Variants in POU6F2 observed in about 807,000 individuals in gnomAD.
POU6F2 encodes POU class 6 homeobox 2.
A neutral mutation model predicts 71.3 loss-of-function variants in POU6F2; 31 were observed. The observed-to-expected ratio is 0.43, with a 90% CI of 0.33 to 0.59. The LOEUF (loss-of-function observed/expected upper bound fraction) is 0.59. POU6F2 is among the 20% of genes least tolerant of loss of function. The pLI is 0.04. For synonymous variants in POU6F2, 347 were observed against 355.7 expected, an observed-to-expected ratio of 0.98 and a Z score of 0.27; for missense variants, 783 against 856.8, an observed-to-expected ratio of 0.91 and a Z score of 1.07.
At chr7:39,094,996 C>T (rs1791427096) in intron 2 of POU6F2, among the ~76,000 whole-genome samples, 1 of 152,124 alleles carries the variant, frequency 6.6e-6, no homozygotes, top group South Asian at 2.1e-4. Flanking sequence ...AGGACGCTTG[C>T]TATTTGCAAA....
intron 1 of POU6F2, among the ~76,000 whole-genome samples, chr7:39,006,090 C>G (rs1160026617): frequency 1.3e-5 from 2 of 152,096 alleles, no homozygotes; most frequent in Non-Finnish European, 2.9e-5. Flanking sequence ...GGGTAAGGGG[C>G]CCAGTCTAAC....
chr7:39,159,695 AATAG>A lies in POU6F2; in HGVS notation c.278-44535_278-44532del, dbSNP rs138337445. Among the ~76,000 whole-genome samples, 270 of 152,284 alleles carry A rather than the reference AATAG, an allele frequency of 1.8e-3. 1 individual carries two copies. Among genetic ancestry groups the A allele is most frequent in the African/African-American group, 6.1e-3 (252 of 41,550 alleles). Reference sequence around the variant, plus strand: ...TGGGAAGAGGTAACAAAAAGATGATAATAGATAGTAACAGAAGGGATGTAAAGAG... The same window carrying A: ...TGGGAAGAGGTAACAAAAAGATGATAATAGTAACAGAAGGGATGTAAAGAG... On this transcript the variant is annotated intron_variant, in intron 2 of 9. Transcript: ENST00000518318.
At chr7:39,178,548 C>T (rs1193521899) in intron 2 of POU6F2, among the ~76,000 whole-genome samples, 3 of 152,100 alleles carry the variant, frequency 2.0e-5, no homozygotes, top group Non-Finnish European at 2.9e-5. Context: ...GGATAGCCTA[C>T]CCGGAGAGGC....
chr7:39,300,532 G>C (rs1050741315), intron 4 of POU6F2, among the ~76,000 whole-genome samples: 1 of 152,204 alleles, frequency 6.6e-6, no homozygotes, highest in Non-Finnish European at 1.5e-5. Context: ...AAGTACCGCA[G>C]ACTGGGTGGC....
chr7:39,201,032 A>C (rs896852979), intron 2 of POU6F2, among the ~76,000 whole-genome samples: 3 of 151,752 alleles, frequency 2.0e-5, no homozygotes, highest in Non-Finnish European at 4.4e-5. Flanking sequence ...GTCTCTCTCA[A>C]AAAAAAATAC....
intron 6 of POU6F2, among the ~76,000 whole-genome samples, chr7:39,430,875 A>G (rs1289743473): frequency 6.6e-6 from 1 of 152,214 alleles, no homozygotes; most frequent in Non-Finnish European, 1.5e-5. Flanking sequence ...GGGGAAGGCC[A>G]GAGTGGATGG....
At chr7:39,403,738 C>T (rs1787354848) in intron 5 of POU6F2, among the ~76,000 whole-genome samples, 2 of 152,178 alleles carry the variant, frequency 1.3e-5, no homozygotes, top group African/African-American at 2.4e-5. Flanking sequence ...TCCTGACCAA[C>T]CCCTTCACTT....
At chr7:39,043,399 A>C (rs1790229626) in intron 1 of POU6F2, among the ~76,000 whole-genome samples, 1 of 151,978 alleles carries the variant, frequency 6.6e-6, no homozygotes, top group Non-Finnish European at 1.5e-5. Context: ...TCCTCAATGC[A>C]AGAAGACCAA....
At chr7:39,456,311 G>A (rs1788804408) in intron 8 of POU6F2, among the ~76,000 whole-genome samples, 1 of 152,120 alleles carries the variant, frequency 6.6e-6, no homozygotes, top group Non-Finnish European at 1.5e-5. Flanking sequence ...ACTATCCCAG[G>A]ACAGAATGTG....
intron 5 of POU6F2, among the ~76,000 whole-genome samples, chr7:39,343,502 C>A (rs1785965857): frequency 6.6e-6 from 1 of 151,836 alleles, no homozygotes. Flanking sequence ...CTTTCTATGA[C>A]CTTTAAGAAG....
intron 1 of POU6F2, among the ~76,000 whole-genome samples, chr7:39,012,124 A>C (rs1302693679): frequency 4.6e-5 from 7 of 151,002 alleles, no homozygotes; most frequent in Non-Finnish European, 1.0e-4. Flanking sequence ...AGTGTTTTCC[A>C]ACTTGGTTCC....
intron 2 of POU6F2, among the ~76,000 whole-genome samples, chr7:39,155,339 A>T (rs1792848073): frequency 6.6e-6 from 1 of 151,886 alleles, no homozygotes; most frequent in Non-Finnish European, 1.5e-5. Flanking sequence ...GAGGAAGAAG[A>T]TGAAGAGGGT....
intron 6 of POU6F2, among the ~76,000 whole-genome samples, chr7:39,417,069 G>A (rs1023213982): frequency 6.6e-6 from 1 of 152,178 alleles, no homozygotes; most frequent in African/African-American, 2.4e-5. Context: ...AGAAAAGGAG[G>A]AAGTGCTGAA....
intron 2 of POU6F2, among the ~76,000 whole-genome samples, chr7:39,203,742 T>C (rs1221088095): frequency 6.6e-6 from 1 of 152,084 alleles, no homozygotes; most frequent in East Asian, 1.9e-4. Flanking sequence ...TAAGGTGATA[T>C]GGAAAAAGGC....
intron 2 of POU6F2, among the ~76,000 whole-genome samples, chr7:39,092,189 A>G (rs930331270): frequency 6.6e-6 from 1 of 152,232 alleles, no homozygotes; most frequent in Non-Finnish European, 1.5e-5. Flanking sequence ...CAATCTGTAT[A>G]AAGTTTCCCG....
At chr7:39,177,051 C>T (rs1487553270) in intron 2 of POU6F2, among the ~76,000 whole-genome samples, 1 of 152,134 alleles carries the variant, frequency 6.6e-6, no homozygotes, top group Non-Finnish European at 1.5e-5. Context: ...ATCTTTTTTC[C>T]ACTCTTCAAA....
At chr7:39,127,418 A>G (rs1792162350) in intron 2 of POU6F2, among the ~76,000 whole-genome samples, 1 of 152,260 alleles carries the variant, frequency 6.6e-6, no homozygotes, top group African/African-American at 2.4e-5. Flanking sequence ...TTCAAAGTGT[A>G]TCATGTACTA....
At chr7:39,354,770 A>C (rs1786218599) in intron 5 of POU6F2, among the ~76,000 whole-genome samples, 1 of 152,218 alleles carries the variant, frequency 6.6e-6, no homozygotes, top group South Asian at 2.1e-4. Flanking sequence ...GGAGGAATGT[A>C]AGACTTCTTG....
intron 1 of POU6F2, among the ~76,000 whole-genome samples, chr7:38,996,232 G>T (rs1221320030): frequency 3.3e-5 from 5 of 151,686 alleles, no homozygotes; most frequent in African/African-American, 1.2e-4. Flanking sequence ...GTAAAGATGG[G>T]GTTTCACCAT....
Sources: gnomAD v4.1 joint callset for allele counts (sites outside exome capture counted in the v4.1 genomes callset) on GRCh38, gnomAD v4.1.1 for gene constraint, MANE v1.5 for transcripts, NCBI Gene and HGNC (gene_info 2026-07-23, HGNC 2026-07-21) for gene names.